Variants in FAM13B observed in about 807,000 individuals in gnomAD.
FAM13B encodes protein FAM13B.
FAM13B carries 60 observed loss-of-function variants against 117.3 expected under a neutral mutation model. The observed-to-expected ratio is 0.51, with a 90% CI of 0.42 to 0.63. The LOEUF is 0.63. Among genes scored for constraint, FAM13B ranks in the 30% least tolerant of loss-of-function variants. The pLI is 0.00. For synonymous variants in FAM13B, 332 were observed against 356.1 expected (o/e 0.93, Z 0.76); for missense variants, 972 against 1,091.9 (o/e 0.89, Z 1.55).
chr5:137,962,460 T>TG lies in FAM13B; in HGVS notation c.1188_1189insC (p.Ile397HisfsTer8). 6.2e-7 allele frequency: 1 copy of TG among 1,613,524 alleles called. No homozygotes were observed. The highest frequency in any genetic ancestry group is 8.5e-7 in the Non-Finnish European group (1 of 1,179,686). On this transcript the variant is annotated frameshift_variant, in exon 11 of 24. Coordinates refer to ENST00000689681, the MANE Select transcript of FAM13B (RefSeq NM_001385994.1). LOFTEE classifies it high-confidence loss of function. ...CGGTCACTGCATGGCTCTAACAATA[T>TG]ACCTACAGACTGACAAAAAGAACAC...
intron 4 of FAM13B, among the ~76,000 whole-genome samples, chr5:138,016,360 G>C (rs540964294): frequency 1.3e-5 from 2 of 152,272 alleles, no homozygotes; most frequent in East Asian, 3.9e-4. Flanking sequence ...TAATCCCAGT[G>C]CTTTGGGAAA....
chr5:137,940,998 C>T (rs1430720853), intron 23 of FAM13B, among the ~76,000 whole-genome samples: 2 of 152,296 alleles, frequency 1.3e-5, no homozygotes, highest in African/African-American at 2.4e-5. Context: ...CTCCGCCTCC[C>T]GGATTCACGC....
chr5:137,949,489 A>C (rs929009015), intron 17 of FAM13B, among the ~76,000 whole-genome samples: 2 of 151,840 alleles, frequency 1.3e-5, no homozygotes, highest in African/African-American at 4.8e-5. Context: ...AATTTTTTAA[A>C]TTAGCCAAGG....
At chr5:137,947,794 A>G (rs1295821195) in intron 18 of FAM13B, among the ~76,000 whole-genome samples, 1 of 152,128 alleles carries the variant, frequency 6.6e-6, no homozygotes, top group African/African-American at 2.4e-5. Flanking sequence ...CATGTTGGCC[A>G]GGCTGGTCTC....
chr5:137,952,067 T>C (rs1765192358), intron 17 of FAM13B, among the ~76,000 whole-genome samples: 1 of 152,242 alleles, frequency 6.6e-6, no homozygotes, highest in Non-Finnish European at 1.5e-5. Context: ...CTATTTTGCA[T>C]AATTTTTAAA....
chr5:137,962,558 A>G, intron 10 of FAM13B, 89 bp from the exon 11 acceptor site: 1 of 1,171,806 alleles, frequency 8.5e-7, no homozygotes, highest in Admixed American at 2.1e-5. Context: ...ATTAGAATAC[A>G]GATTAGTCAA....
chr5:137,957,662 A>C (rs931085374), intron 13 of FAM13B, among the ~76,000 whole-genome samples: 1 of 152,158 alleles, frequency 6.6e-6, no homozygotes, highest in Admixed American at 6.5e-5. Flanking sequence ...GCACATGCAC[A>C]GTTCATGGCT....
At chr5:138,046,794 T>C (rs1373895503) in intron 1 of FAM13B, among the ~76,000 whole-genome samples, 1 of 152,188 alleles carries the variant, frequency 6.6e-6, no homozygotes, top group Non-Finnish European at 1.5e-5. Flanking sequence ...TCACCCAGGC[T>C]GGAGTACAGT....
chr5:137,968,028 C>G (rs1770621362), intron 10 of FAM13B, among the ~76,000 whole-genome samples: 1 of 151,980 alleles, frequency 6.6e-6, no homozygotes, highest in South Asian at 2.1e-4. Flanking sequence ...TCGAGACCAA[C>G]CTGATCAACA....
At chr5:137,945,861 T>C in intron 20 of FAM13B, 41 bp downstream of exon 20, 5 of 1,469,092 alleles carry the variant, frequency 3.4e-6, no homozygotes, top group Non-Finnish European at 2.8e-6. Context: ...AGAGTACATC[T>C]TGATAAAATG....
Position 137,968,359 on chromosome 5 carries a change from T to G in FAM13B, c.1180-5890A>C, listed in dbSNP as rs1770777227. Among the ~76,000 whole-genome samples the G allele has an allele frequency of 2.6e-5, 4 of 151,254 alleles. No individual in the cohort carries two copies. In the South Asian group the frequency reaches 8.4e-4, roughly 32 times the overall value. The stretch of plus-strand genomic sequence containing the variant: ...GGGAGGCTGAGGCATGAGACTCACT[T>G]GAATCTGGGAGGTAGAGGCTGCAGC... On this transcript the variant is annotated intron_variant, in intron 10 of 23. Transcript: ENST00000689681.
intron 10 of FAM13B, among the ~76,000 whole-genome samples, chr5:137,968,438 CAA>C (rs1158179498): frequency 7.6e-4 from 44 of 57,916 alleles, no homozygotes; most frequent in Middle Eastern, 9.4e-3. Flanking sequence ...GACTCTGTCT[CAA>C]AAAAAAAAAA....
chr5:137,982,658 G>A (rs1412348669), intron 10 of FAM13B, among the ~76,000 whole-genome samples: 3 of 145,644 alleles, frequency 2.1e-5, no homozygotes, highest in African/African-American at 7.7e-5. Context: ...TTAATGAGCC[G>A]CCCTTTATTT....
intron 10 of FAM13B, among the ~76,000 whole-genome samples, chr5:137,966,432 C>CAA (rs529999087): frequency 2.8e-3 from 162 of 58,898 alleles, no homozygotes; most frequent in Non-Finnish European, 4.9e-3. Context: ...GACTCCGTCT[C>CAA]AAAAAAAAAA....
At chr5:138,040,682 G>C (rs1178077339) in intron 1 of FAM13B, among the ~76,000 whole-genome samples, 2 of 152,194 alleles carry the variant, frequency 1.3e-5, no homozygotes, top group African/African-American at 4.8e-5. Context: ...AATTCTGGAA[G>C]ACCAAAACTT....
intron 10 of FAM13B, among the ~76,000 whole-genome samples, chr5:137,983,016 C>T (rs1776200501): frequency 6.6e-6 from 1 of 151,740 alleles, no homozygotes; most frequent in South Asian, 2.1e-4. Context: ...ATCAGTAGCA[C>T]ATAGATGGTA....
intron 4 of FAM13B, among the ~76,000 whole-genome samples, chr5:138,014,548 A>C (rs545301008): frequency 6.6e-6 from 1 of 152,372 alleles, no homozygotes; most frequent in East Asian, 1.9e-4. Context: ...TGTCTTCCAC[A>C]AAACCAGTCC....
intron 1 of FAM13B, among the ~76,000 whole-genome samples, chr5:138,050,710 G>A (rs543324683): frequency 3.3e-5 from 5 of 152,184 alleles, no homozygotes; most frequent in Admixed American, 2.0e-4. Flanking sequence ...GGTCACTTGG[G>A]TTTATTGGTC....
At chr5:137,973,135 C>G (rs1053110478) in intron 10 of FAM13B, among the ~76,000 whole-genome samples, 1 of 152,130 alleles carries the variant, frequency 6.6e-6, no homozygotes, top group African/African-American at 2.4e-5. Context: ...AACCAAAAAA[C>G]AGCCCACATC....
Sources: gnomAD v4.1 joint callset for allele counts (sites outside exome capture counted in the v4.1 genomes callset) on GRCh38, gnomAD v4.1.1 for gene constraint, MANE v1.5 for transcripts, NCBI Gene and HGNC (gene_info 2026-07-23, HGNC 2026-07-21) for gene names.